The following IGF2BP2 variants were observed in gnomAD, a reference collection of about 807,000 sequenced individuals.
IGF2BP2 encodes the protein insulin-like growth factor 2 mRNA-binding protein 2.
A neutral mutation model predicts 75.8 loss-of-function variants in IGF2BP2; 17 were observed. The observed-to-expected ratio is 0.22, with a 90% confidence interval of 0.15 to 0.34. The LOEUF is 0.34. Ranked by LOEUF, IGF2BP2 falls within the 10% of genes least tolerant of loss-of-function variation. The probability of loss-of-function intolerance (pLI) is 1.00; values close to 1 mark genes in which losing one functional copy is unlikely to be tolerated. For missense variants in IGF2BP2, 516 were observed against 772.4 expected, an observed-to-expected ratio of 0.67 and a Z score of 3.93; for synonymous variants, 288 against 295.6, an observed-to-expected ratio of 0.97 and a Z score of 0.26.
At chr3:185,686,852 A>C (rs1721206133) in intron 7 of IGF2BP2, among the ~76,000 whole-genome samples, 1 of 152,124 alleles carries the variant, frequency 6.6e-6, no homozygotes. Context: ...AGAGACATGC[A>C]AGTGAAGAGA....
At chr3:185,688,293 T>C (rs1721428457) in intron 6 of IGF2BP2, among the ~76,000 whole-genome samples, 3 of 152,218 alleles carry the variant, frequency 2.0e-5, no homozygotes, top group African/African-American at 7.2e-5. Flanking sequence ...TCAATCTCCC[T>C]GATTGTGCTA....
intron 2 of IGF2BP2, among the ~76,000 whole-genome samples, chr3:185,811,559 C>G (rs1019910707): frequency 6.6e-6 from 1 of 152,186 alleles, no homozygotes; most frequent in Admixed American, 6.5e-5. Context: ...ACTTCCACCT[C>G]CTCTTGAAAA....
intron 2 of IGF2BP2, among the ~76,000 whole-genome samples, chr3:185,774,794 G>A (rs950487304): frequency 6.6e-6 from 1 of 151,788 alleles, no homozygotes; most frequent in Admixed American, 6.6e-5. Flanking sequence ...ACAAGGTCAC[G>A]GCAGATCACA....
chr3:185,682,876 A>G (rs1011575568), intron 7 of IGF2BP2, among the ~76,000 whole-genome samples: 1 of 152,188 alleles, frequency 6.6e-6, no homozygotes, highest in African/African-American at 2.4e-5. Context: ...TATGGGAAAA[A>G]GTATGAAGGC....
intron 2 of IGF2BP2, among the ~76,000 whole-genome samples, chr3:185,746,511 G>T (rs1477545525): frequency 6.6e-6 from 1 of 152,172 alleles, no homozygotes; most frequent in Non-Finnish European, 1.5e-5. Flanking sequence ...AATTCAGAAG[G>T]ACTGGCCTTT....
intron 2 of IGF2BP2, among the ~76,000 whole-genome samples, chr3:185,758,627 C>A (rs1246900494): frequency 6.6e-6 from 1 of 152,162 alleles, no homozygotes; most frequent in East Asian, 1.9e-4. Context: ...GTTAGCACTG[C>A]TGCATATCCA....
intron 2 of IGF2BP2, among the ~76,000 whole-genome samples, chr3:185,726,841 T>C (rs1293040304): frequency 6.6e-6 from 1 of 152,118 alleles, no homozygotes; most frequent in Non-Finnish European, 1.5e-5. Context: ...ATAGATACAT[T>C]AATGACCACA....
At chr3:185,758,232 T>C (rs1050518584) in intron 2 of IGF2BP2, among the ~76,000 whole-genome samples, 4 of 152,124 alleles carry the variant, frequency 2.6e-5, no homozygotes, top group African/African-American at 9.7e-5. Flanking sequence ...CTTATAACCA[T>C]CTCATCTCAT....
intron 7 of IGF2BP2, among the ~76,000 whole-genome samples, chr3:185,678,286 G>A (rs1438452351): frequency 6.6e-6 from 1 of 152,162 alleles, no homozygotes; most frequent in East Asian, 1.9e-4. Context: ...AGGCCAGAAG[G>A]GAGTGGGATG....
chr3:185,661,405 G>C lies in IGF2BP2; in HGVS notation c.1201-2996C>G, dbSNP rs1169140592. On this transcript the variant is annotated intron_variant, in intron 10 of 15. Coordinates refer to ENST00000382199, the MANE Select transcript of IGF2BP2 (RefSeq NM_006548.6). ...TAATCCTAGCACTTTGGGAGGCTGA[G>C]GCAGGCGGATTATTTGAGGTCAGCA... Among the ~76,000 whole-genome samples, 5 of 152,218 alleles carry C rather than the reference G, an allele frequency of 3.3e-5. No individual in the cohort carries two copies. The East Asian group carries it at 9.6e-4, about 29-fold the overall frequency.
At chr3:185,766,128 T>C (rs1165026225) in intron 2 of IGF2BP2, among the ~76,000 whole-genome samples, 1 of 152,116 alleles carries the variant, frequency 6.6e-6, no homozygotes, top group Non-Finnish European at 1.5e-5. Flanking sequence ...TTCACCTAAA[T>C]AAAGCCCAAG....
intron 12 of IGF2BP2, among the ~76,000 whole-genome samples, chr3:185,653,892 C>T (rs1715009093): frequency 6.6e-6 from 1 of 152,180 alleles, no homozygotes; most frequent in African/African-American, 2.4e-5. Context: ...GATTTACCCT[C>T]GGTGTTGCAT....
intron 2 of IGF2BP2, among the ~76,000 whole-genome samples, chr3:185,732,794 C>G (rs1018862212): frequency 5.9e-5 from 9 of 152,102 alleles, no homozygotes; most frequent in Non-Finnish European, 4.4e-5. Flanking sequence ...TATTTTTTCC[C>G]CAAATTTAAT....
chr3:185,692,331 A>G lies in IGF2BP2; in HGVS notation c.404+368T>C, dbSNP rs763137416. Among the ~76,000 whole-genome samples, 4 of 152,224 alleles carry G rather than the reference A, an allele frequency of 2.6e-5. No individual in the cohort carries two copies. In the South Asian group the frequency reaches 6.2e-4, roughly 24 times the overall value. ...AGTGGTCCCAAGTGTTTGGCAAAGC[A>G]GAGTCTAGGAGACACAGTGTCACAG... On this transcript the variant is annotated intron_variant, in intron 5 of 15. Coordinates refer to ENST00000382199, the MANE Select transcript of IGF2BP2 (RefSeq NM_006548.6).
At chr3:185,818,827 T>C (rs1336173984) in intron 2 of IGF2BP2, among the ~76,000 whole-genome samples, 1 of 152,214 alleles carries the variant, frequency 6.6e-6, no homozygotes, top group African/African-American at 2.4e-5. Flanking sequence ...TAAGTCACTA[T>C]CCTTTTATGC....
intron 2 of IGF2BP2, among the ~76,000 whole-genome samples, chr3:185,760,331 C>T (rs1053578327): frequency 6.6e-6 from 1 of 151,884 alleles, no homozygotes; most frequent in Non-Finnish European, 1.5e-5. Flanking sequence ...TTTTTTTTTC[C>T]CTTCAGTATG....
chr3:185,821,014 T>C (rs1170464987), intron 2 of IGF2BP2: 1 of 1,535,706 alleles, frequency 6.5e-7, no homozygotes, highest in Admixed American at 2.0e-5. Context: ...CACAGTACCC[T>C]GGATTTAGAA....
At chr3:185,758,719 C>T (rs1266559329) in intron 2 of IGF2BP2, among the ~76,000 whole-genome samples, 1 of 152,172 alleles carries the variant, frequency 6.6e-6, no homozygotes, top group East Asian at 1.9e-4. Context: ...CCTTAGAACA[C>T]GTATCTATCA....
At chr3:185,808,074 G>A (rs1456746840) in intron 2 of IGF2BP2, among the ~76,000 whole-genome samples, 1 of 150,586 alleles carries the variant, frequency 6.6e-6, no homozygotes, top group Non-Finnish European at 1.5e-5. Context: ...GAGCCTGGGA[G>A]TTCGAGTCCA....
Sources: allele counts gnomAD v4.1 joint callset (sites outside exome capture counted in the v4.1 genomes callset), GRCh38; gene constraint gnomAD v4.1.1; transcripts MANE v1.5; gene names NCBI Gene and HGNC (gene_info 2026-07-23, HGNC 2026-07-21).